Variants in TPCN2 observed in about 807,000 individuals in gnomAD.
TPCN2 encodes the protein two pore channel protein 2.
In TPCN2, 92 loss-of-function variants were observed where a neutral mutation model predicts 111.4. The observed-to-expected ratio is 0.83, with a 90% CI of 0.70 to 0.98. TPCN2 has a LOEUF of 0.98. Ranked by LOEUF, TPCN2 falls within the 50% of genes least tolerant of loss-of-function variation. The pLI, the probability that TPCN2 is intolerant of heterozygous loss-of-function variation, is 0.00. For synonymous variants in TPCN2, 405 were observed against 414.5 expected, an observed-to-expected ratio of 0.98 and a Z score of 0.28; for missense variants, 995 against 980.1, an observed-to-expected ratio of 1.02 and a Z score of -0.20.
At chr11:69,058,857 AGTTACG>A (rs1168792595) in intron 5 of TPCN2, among the ~76,000 whole-genome samples, 2 of 152,186 alleles carry the variant, frequency 1.3e-5, no homozygotes, top group African/African-American at 2.4e-5. Flanking sequence ...GCCATTTCTG[AGTTACG>A]GTTGTGGCAG....
In TPCN2 at chr11:69,072,644, A is replaced by C; in HGVS notation, c.1079A>C (p.Gln360Pro). 6.2e-7 allele frequency: 1 copy of C among 1,613,938 alleles called. No homozygotes were observed. Among genetic ancestry groups the C allele is most frequent in the Non-Finnish European group, 8.5e-7 (1 of 1,180,016 alleles). ...AFPQAVGVKP[Q>P]NLLQVLQKVQ... is the part of the protein sequence containing the mutation. Reference sequence around the variant, plus strand: ...CCCTGCAGAGTTGGGGTGAAGCCCCAGAACTTGCTGCAGGTGCTTCAGAAG... The same window carrying C: ...CCCTGCAGAGTTGGGGTGAAGCCCCCGAACTTGCTGCAGGTGCTTCAGAAG... The change falls in exon 12 of 25, where the codon CAG becomes CCG. Residue 360 changes from glutamine to proline, a missense_variant. Physicochemically the swap from Gln to Pro is moderately conservative, Grantham distance 76 (BLOSUM62 -1). Transcript: ENST00000294309.
rs190040116 is a variant in TPCN2 at position 69,055,250 on chromosome 11, G to A, written c.327G>A (p.Ala109=). 3.5e-5 allele frequency: 56 copies of A among 1,614,170 alleles called. No homozygotes were observed. The East Asian group carries it at 5.1e-4, about 15-fold the overall frequency. ...CCCCATCCTCACTCACCAGCACGGC[G>A]GACGTGCGCTACCGCGCTGCTCCCT... ...IETPSSLTST[A]DVRYRAAPWE... The change falls in exon 4 of 25, where the codon GCG becomes GCA. Residue 109 remains alanine (A), a synonymous_variant. Transcript: ENST00000294309.
At chr11:69,084,668 C>G in intron 19 of TPCN2, 1 of 985,440 alleles carries the variant, frequency 1.0e-6, no homozygotes, top group South Asian at 4.7e-5. Context: ...TTATTCTGAC[C>G]ACCTTGACGT....
At chr11:69,079,975 G>A (rs1215007062) in intron 17 of TPCN2, 92 bp downstream of exon 17, 1 of 1,241,084 alleles carries the variant, frequency 8.1e-7, no homozygotes, top group Non-Finnish European at 1.2e-6. Flanking sequence ...CAGGGGGCTG[G>A]GTCTGCTCTG....
chr11:69,073,438 G>A (rs1855622969), intron 13 of TPCN2, among the ~76,000 whole-genome samples: 3 of 152,240 alleles, frequency 2.0e-5, no homozygotes, highest in Admixed American at 2.0e-4. Flanking sequence ...GTGGGAAACA[G>A]CCCAGGTGCT....
chr11:69,072,233 G>A (rs3750959), intron 11 of TPCN2, among the ~76,000 whole-genome samples: 4 of 151,828 alleles, frequency 2.6e-5, no homozygotes, highest in Non-Finnish European at 5.9e-5. Context: ...CGTGCCCCCC[G>A]GGGACCCTGG....
At chr11:69,049,250 C>T (rs1056443814) in intron 1 of TPCN2, 144 bp downstream of exon 1, 1 of 487,124 alleles carries the variant, frequency 2.1e-6, no homozygotes, top group Non-Finnish European at 3.2e-6. Flanking sequence ...CGCCGGGTGC[C>T]AGGCGAGCCG....
intron 5 of TPCN2, among the ~76,000 whole-genome samples, chr11:69,061,741 G>A (rs1252124246): frequency 6.6e-6 from 1 of 152,056 alleles, no homozygotes; most frequent in African/African-American, 2.4e-5. Context: ...GGAGGGGAGG[G>A]CAGGGAAACG....
intron 23 of TPCN2, 118 bp from the exon 24 acceptor site, chr11:69,086,994 G>T: frequency 1.2e-6 from 1 of 808,458 alleles, no homozygotes. Flanking sequence ...GGTGTCCAGG[G>T]TGAATGGCTC....
At chr11:69,053,930 T>C in intron 1 of TPCN2, 103 bp from the exon 2 acceptor site, 6 of 1,030,858 alleles carry the variant, frequency 5.8e-6, no homozygotes, top group South Asian at 1.4e-5. Context: ...ACAAACGGCC[T>C]TGGGAAGAAC....
intron 5 of TPCN2, among the ~76,000 whole-genome samples, chr11:69,060,833 C>A (rs1229352156): frequency 6.6e-6 from 1 of 152,182 alleles, no homozygotes; most frequent in East Asian, 1.9e-4. Context: ...GCCCTAAGAC[C>A]AGAGTTTCCA....
rs888260286 is a variant in TPCN2 at position 69,071,997 on chromosome 11, G to C, written c.1035G>C (p.Val345=). Residue 345 remains valine (V), a synonymous_variant, in exon 11 of 25, where the codon GTG becomes GTC. Coordinates refer to ENST00000294309, the MANE Select transcript of TPCN2 (RefSeq NM_139075.4). ...CCTTTGAAGTCCTATCCTCCATGGT[G>C]GGGGAGGGAGGAGCCTTCCCTCAGG... is the stretch of plus-strand genomic sequence containing the variant. ...RAAFEVLSSM[V]GEGGAFPQAV... The C allele has an allele frequency of 1.2e-5, 19 of 1,613,684 alleles. No individual in the cohort carries two copies. The highest frequency in any genetic ancestry group is 2.2e-5 in the East Asian group (1 of 44,882).
chr11:69,053,940 C>G, intron 1 of TPCN2, 93 bp from the exon 2 acceptor site: 1 of 1,134,652 alleles, frequency 8.8e-7, no homozygotes, highest in Non-Finnish European at 1.3e-6. Context: ...TTGGGAAGAA[C>G]CACAGCCGGC....
At chr11:69,085,440 C>T (rs1258983004) in intron 20 of TPCN2, among the ~76,000 whole-genome samples, 154 bp downstream of exon 20, 1 of 152,030 alleles carries the variant, frequency 6.6e-6, no homozygotes, top group East Asian at 1.9e-4. Context: ...TTTCCCGACC[C>T]CCAATTTCCA....
rs535139656 is a variant in TPCN2, at chr11:69,055,241, C to T, written c.318C>T (p.Thr106=). The T allele has an allele frequency of 1.9e-6, 3 of 1,614,246 alleles. No individual in the cohort carries two copies. In the African/African-American group the frequency reaches 4.0e-5, roughly 22 times the overall value. Residue 106 remains threonine, a synonymous_variant, in exon 4 of 25, where the codon ACC becomes ACT. Coordinates refer to ENST00000294309, the MANE Select transcript of TPCN2 (RefSeq NM_139075.4). ...LAFIETPSSL[T]STADVRYRAA... is the part of the protein sequence containing the mutation. ...TTATCGAGACCCCATCCTCACTCACCAGCACGGCGGACGTGCGCTACCGCG... is the reference window on the plus strand; with the variant it reads ...TTATCGAGACCCCATCCTCACTCACTAGCACGGCGGACGTGCGCTACCGCG...
chr11:69,080,667 G>A (rs1855968025), intron 17 of TPCN2, among the ~76,000 whole-genome samples: 1 of 152,172 alleles, frequency 6.6e-6, no homozygotes, highest in South Asian at 2.1e-4. Flanking sequence ...GGTGGGGGTG[G>A]GGACGGTGGA....
intron 7 of TPCN2, among the ~76,000 whole-genome samples, chr11:69,064,791 G>C (rs920245706): frequency 1.3e-5 from 2 of 152,226 alleles, no homozygotes; most frequent in African/African-American, 4.8e-5. Flanking sequence ...TTGAGCCCCT[G>C]TGTGGCTCTG....
rs186638216 is a variant in TPCN2 at position 69,083,873 on chromosome 11, G to A, written c.1690-72G>A. 2.4e-5 allele frequency: 35 copies of A among 1,442,626 alleles called. No homozygotes were observed. In the African/African-American group the frequency reaches 3.2e-4, roughly 13 times the overall value. The allele number at this position is 1,442,626 out of a possible 1,614,324, so 89.4% of individuals were successfully genotyped here. ...ATCTTGCCTTTCTGTCAGGGTCAGC[G>A]TGGTGGGCCGGGATGGTGTCCCCTC... On this transcript the variant is annotated intron_variant, in intron 18 of 24. Transcript: ENST00000294309.
chr11:69,087,744 TC>T, intron 24 of TPCN2, 130 bp from the exon 25 acceptor site: 1 of 650,920 alleles, frequency 1.5e-6, no homozygotes, highest in Non-Finnish European at 2.7e-6. Context: ...CTCATCTGAG[TC>T]CCCGTGTCTC....
Sources: gnomAD v4.1 joint callset for allele counts (sites outside exome capture counted in the v4.1 genomes callset) on GRCh38, gnomAD v4.1.1 for gene constraint, MANE v1.5 for transcripts, NCBI Gene and HGNC (gene_info 2026-07-23, HGNC 2026-07-21) for gene names.